The following ZBTB20 variants were observed in gnomAD, a reference collection of about 807,000 sequenced individuals.
The protein encoded by ZBTB20 is zinc finger and BTB domain-containing protein 20.
In ZBTB20, 9 loss-of-function variants were observed where a neutral mutation model predicts 56.9. The observed-to-expected ratio is 0.16, with a 90% CI of 0.10 to 0.28. The LOEUF is 0.28. Ranked by LOEUF, ZBTB20 falls within the 10% of genes least tolerant of loss-of-function variation. The pLI, the probability that ZBTB20 is intolerant of heterozygous loss-of-function variation, is 1.00. For missense variants in ZBTB20, 655 were observed against 1,003.0 expected (o/e 0.65, Z 4.69); for synonymous variants, 417 against 420.7 (o/e 0.99, Z 0.11).
intron 7 of ZBTB20, among the ~76,000 whole-genome samples, chr3:114,465,719 G>A (rs1220113628): frequency 1.3e-5 from 2 of 150,490 alleles, no homozygotes; most frequent in Admixed American, 6.6e-5. Context: ...AAAAAAAAAA[G>A]AAAGAAAGAA....
intron 4 of ZBTB20, among the ~76,000 whole-genome samples, chr3:114,839,765 A>G (rs939653562): frequency 1.3e-5 from 2 of 152,234 alleles, no homozygotes; most frequent in African/African-American, 4.8e-5. Context: ...AAGAGAAGAC[A>G]GAGAGAGCAG....
intron 5 of ZBTB20, among the ~76,000 whole-genome samples, chr3:114,704,486 A>C (rs2063591569): frequency 6.6e-6 from 1 of 152,122 alleles, no homozygotes; most frequent in African/African-American, 2.4e-5. Context: ...ATGCAGGTGC[A>C]TAAATATTCA....
intron 5 of ZBTB20, among the ~76,000 whole-genome samples, chr3:114,736,213 T>A (rs2066146326): frequency 6.6e-6 from 1 of 152,142 alleles, no homozygotes; most frequent in African/African-American, 2.4e-5. Flanking sequence ...GAGGTTCTAT[T>A]GTCATGAATT....
intron 1 of ZBTB20, among the ~76,000 whole-genome samples, chr3:115,097,128 C>T (rs2083407346): frequency 6.6e-6 from 1 of 152,114 alleles, no homozygotes; most frequent in Non-Finnish European, 1.5e-5. Context: ...TTTAAACTGG[C>T]ATATGCTTAG....
chr3:115,142,861 T>TA (rs549128057), intron 1 of ZBTB20, among the ~76,000 whole-genome samples: 10 of 152,032 alleles, frequency 6.6e-5, no homozygotes, highest in Non-Finnish European at 1.5e-4. Flanking sequence ...TTAGCATAAA[T>TA]AGAGATCTAA....
intron 3 of ZBTB20, among the ~76,000 whole-genome samples, chr3:114,911,132 A>C (rs369950196): frequency 6.8e-6 from 1 of 146,800 alleles, no homozygotes; most frequent in South Asian, 2.2e-4. Context: ...CAAAAAAAAA[A>C]GTGCCCTAGT....
rs1050734159 is a variant in ZBTB20, at chr3:114,569,878, T to C, written c.-294-69487A>G. 3.3e-5 allele frequency among the ~76,000 whole-genome samples: 5 copies of C among 152,056 alleles called. 1 individual carries two copies. The highest frequency in any genetic ancestry group is 7.4e-5 in the Non-Finnish European group (5 of 67,982). ...TATTCTTGTCCATTCTCTCTCTCTC[T>C]CCCCACCTTCACTTTTATGCATAAA... On this transcript the variant is annotated intron_variant, in intron 6 of 11. Coordinates refer to ENST00000675478, the MANE Select transcript of ZBTB20 (RefSeq NM_001348800.3).
chr3:114,547,598 T>A (rs1290297003), intron 6 of ZBTB20, among the ~76,000 whole-genome samples: 2 of 152,152 alleles, frequency 1.3e-5, no homozygotes, highest in Non-Finnish European at 2.9e-5. Flanking sequence ...TGGTAGAGCA[T>A]CCCAATGATT....
chr3:114,837,677 A>G (rs1402052951), intron 4 of ZBTB20, among the ~76,000 whole-genome samples: 2 of 152,026 alleles, frequency 1.3e-5, no homozygotes, highest in Non-Finnish European at 2.9e-5. Context: ...CAAGAGAAAA[A>G]CCACAAGCTT....
At chr3:114,864,185 T>C (rs2075661835) in intron 4 of ZBTB20, among the ~76,000 whole-genome samples, 1 of 152,096 alleles carries the variant, frequency 6.6e-6, no homozygotes, top group Non-Finnish European at 1.5e-5. Flanking sequence ...TAGCATTCCC[T>C]TTCTGTTTGT....
intron 5 of ZBTB20, among the ~76,000 whole-genome samples, chr3:114,781,344 C>T (rs1436480192): frequency 6.6e-6 from 1 of 152,146 alleles, no homozygotes; most frequent in African/African-American, 2.4e-5. Context: ...GGGACTGGCA[C>T]ATAGTAATTA....
intron 3 of ZBTB20, among the ~76,000 whole-genome samples, chr3:114,911,786 T>C (rs1474364732): frequency 6.6e-6 from 1 of 151,310 alleles, no homozygotes; most frequent in Non-Finnish European, 1.5e-5. Flanking sequence ...CAATACCAAG[T>C]GTACAAAAAT....
At chr3:114,724,605 C>A (rs578076522) in intron 5 of ZBTB20, among the ~76,000 whole-genome samples, 2 of 152,104 alleles carry the variant, frequency 1.3e-5, no homozygotes, top group African/African-American at 2.4e-5. Flanking sequence ...CTTTAAAATG[C>A]GGCCCAGAAT....
intron 7 of ZBTB20, among the ~76,000 whole-genome samples, chr3:114,393,738 A>G (rs541195643): frequency 6.6e-6 from 1 of 152,186 alleles, no homozygotes. Flanking sequence ...TGATGCCACA[A>G]ATTCTCCCTA....
intron 7 of ZBTB20, among the ~76,000 whole-genome samples, chr3:114,491,953 T>C (rs2042804163): frequency 6.6e-6 from 1 of 152,170 alleles, no homozygotes; most frequent in Non-Finnish European, 1.5e-5. Context: ...ATAAGCAATA[T>C]ATATTTGTTA....
At chr3:114,366,417 A>C (rs191150829) in intron 10 of ZBTB20, among the ~76,000 whole-genome samples, 270 of 152,210 alleles carry the variant, frequency 1.8e-3, no homozygotes, top group African/African-American at 5.3e-3. Context: ...TAACCCTGAG[A>C]ATCCTTGCTT....
chr3:114,561,564 G>T (rs1028537585), intron 6 of ZBTB20, among the ~76,000 whole-genome samples: 3 of 152,126 alleles, frequency 2.0e-5, no homozygotes, highest in Non-Finnish European at 4.4e-5. Context: ...TCAATGAGCA[G>T]TAGTATGTTG....
intron 3 of ZBTB20, among the ~76,000 whole-genome samples, chr3:114,919,646 A>G (rs928787778): frequency 3.3e-5 from 5 of 152,002 alleles, no homozygotes; most frequent in African/African-American, 1.2e-4. Context: ...CAGAGTTTGC[A>G]GTGAGCCAAG....
At chr3:115,038,784 C>G (rs2081030829) in intron 2 of ZBTB20, among the ~76,000 whole-genome samples, 1 of 151,974 alleles carries the variant, frequency 6.6e-6, no homozygotes, top group African/African-American at 2.4e-5. Context: ...ATTCTAAAAA[C>G]TATATACTAC....
Sources: allele counts gnomAD v4.1 joint callset (sites outside exome capture counted in the v4.1 genomes callset), GRCh38; gene constraint gnomAD v4.1.1; transcripts MANE v1.5; gene names NCBI Gene and HGNC (gene_info 2026-07-23, HGNC 2026-07-21).